The following LIMCH1 variants were observed in gnomAD, a reference collection of about 807,000 sequenced individuals.
The protein encoded by LIMCH1 is LIM and calponin homology domains 1.
A neutral mutation model predicts 176.5 loss-of-function variants in LIMCH1; 113 were observed. The ratio of observed to expected loss-of-function variants is 0.64; its 90% CI spans 0.55 to 0.75. The LOEUF (loss-of-function observed/expected upper bound fraction) is 0.75. Ranked by LOEUF, LIMCH1 falls within the 30% of genes least tolerant of loss-of-function variation. LIMCH1 has a pLI of 0.00. For missense variants in LIMCH1, 1,674 were observed against 1,814.9 expected, an observed-to-expected ratio of 0.92 and a Z score of 1.41; for synonymous variants, 619 against 645.9, an observed-to-expected ratio of 0.96 and a Z score of 0.63.
chr4:41,531,997 C>G (rs2077376987), intron 3 of LIMCH1, among the ~76,000 whole-genome samples: 1 of 152,148 alleles, frequency 6.6e-6, no homozygotes, highest in Non-Finnish European at 1.5e-5. Flanking sequence ...ACACACTTTC[C>G]TTTATCCTCA....
At chr4:41,420,851 C>T (rs765492726) in intron 1 of LIMCH1, among the ~76,000 whole-genome samples, 25 of 152,190 alleles carry the variant, frequency 1.6e-4, no homozygotes, top group South Asian at 6.2e-4. Context: ...ATTGCAAGAA[C>T]GCTGGAGAAA....
At chr4:41,686,563 CCAAT>C (rs1314032964) in intron 28 of LIMCH1, among the ~76,000 whole-genome samples, 2 of 152,182 alleles carry the variant, frequency 1.3e-5, no homozygotes. Flanking sequence ...AGTACTGTAA[CCAAT>C]CATTCTACCT....
At chr4:41,581,285 C>T (rs946138868) in intron 1 of LIMCH1, among the ~76,000 whole-genome samples, 4 of 152,158 alleles carry the variant, frequency 2.6e-5, no homozygotes, top group Admixed American at 6.5e-5. Context: ...CTAATTAACA[C>T]ATCCATCACT....
intron 1 of LIMCH1, among the ~76,000 whole-genome samples, chr4:41,588,378 C>T (rs1054972090): frequency 6.6e-6 from 1 of 152,080 alleles, no homozygotes; most frequent in South Asian, 2.1e-4. Context: ...CTTGTTCACA[C>T]TTCTTCCAAG....
At chr4:41,488,404 G>T (rs917044648) in intron 1 of LIMCH1, among the ~76,000 whole-genome samples, 4 of 152,022 alleles carry the variant, frequency 2.6e-5, no homozygotes, top group Non-Finnish European at 1.5e-5. Flanking sequence ...TTTTAAATGG[G>T]ATCTTTCTTA....
chr4:41,474,232 T>TA (rs2067399155), intron 1 of LIMCH1, among the ~76,000 whole-genome samples: 1 of 151,400 alleles, frequency 6.6e-6, no homozygotes, highest in African/African-American at 2.4e-5. Flanking sequence ...CTCACGCCTG[T>TA]AATCCCAGCA....
At chr4:41,556,939 A>C (rs1389807386) in intron 1 of LIMCH1, among the ~76,000 whole-genome samples, 1 of 152,184 alleles carries the variant, frequency 6.6e-6, no homozygotes, top group East Asian at 1.9e-4. Flanking sequence ...TATTTGGCAT[A>C]CAGCATCCAG....
chr4:41,428,271 A>G (rs1239168817), intron 1 of LIMCH1, among the ~76,000 whole-genome samples: 1 of 152,200 alleles, frequency 6.6e-6, no homozygotes, highest in Admixed American at 6.5e-5. Context: ...GACCTTGGTT[A>G]TATCACTTAA....
chr4:41,686,437 A>C (rs1196298845), intron 28 of LIMCH1, among the ~76,000 whole-genome samples: 2 of 152,214 alleles, frequency 1.3e-5, no homozygotes, highest in Non-Finnish European at 2.9e-5. Context: ...TAACTTATCC[A>C]AATTATTTAA....
chr4:41,681,099 A>G (rs1186752662), intron 25 of LIMCH1, 40 bp downstream of exon 25: 1 of 1,291,482 alleles, frequency 7.7e-7, no homozygotes. Context: ...AAATAAATAA[A>G]CCTAAATGGA....
In LIMCH1 at chr4:41,691,105, C is replaced by T. The variant is rs115797746; in HGVS notation, c.4276-1177C>T. On this transcript the variant is annotated intron_variant, in intron 30 of 31. Coordinates refer to ENST00000503057, the MANE Select transcript of LIMCH1 (RefSeq NM_001330672.2). ...TCAGGAGACTTGCCTTCTTAACTCT[C>T]AAGGCCTTTATTCACTCTAATCATT... is the stretch of plus-strand genomic sequence containing the variant. 6.1e-3 allele frequency among the ~76,000 whole-genome samples: 925 copies of T among 152,270 alleles called. 9 individuals carry two copies. Among genetic ancestry groups the T allele is most frequent in the African/African-American group, 0.021 (883 of 41,560 alleles).
rs2092506668 is a variant in LIMCH1, at chr4:41,620,711, T to A, written c.725+21T>A. On this transcript the variant is annotated intron_variant, in intron 7 of 31. Coordinates refer to ENST00000503057, the MANE Select transcript of LIMCH1 (RefSeq NM_001330672.2). ...GCCAGGTCAGCTCTGGGCTGAGGGC[T>A]GGCCCGGCTGGCTTTCTGCATGCCT... The A allele has an allele frequency of 2.0e-6, 3 of 1,513,646 alleles. No homozygotes were observed. The South Asian group carries it at 3.7e-5, about 19-fold the overall frequency. 93.8% of individuals were successfully genotyped at this position (1,513,646 alleles called of 1,614,324 possible). A position where few individuals can be genotyped will look rare whatever the true frequency, so the allele number is the denominator to read the frequency against.
At position 41,599,038 on chromosome 4, in the gene LIMCH1, G is replaced by A. The variant is rs367980924; in HGVS notation, c.-134+12G>A. ...AGAGTAACAGTCAAGTAAGTAAAGCGTGATTTATGTTTAAGGGAAACTCCT... is the reference window on the plus strand; with the variant it reads ...AGAGTAACAGTCAAGTAAGTAAAGCATGATTTATGTTTAAGGGAAACTCCT... On this transcript the variant is annotated intron_variant, in intron 2 of 31. Coordinates refer to ENST00000503057, the MANE Select transcript of LIMCH1 (RefSeq NM_001330672.2). 2.2e-5 allele frequency: 34 copies of A among 1,511,164 alleles called. No individual in the cohort carries two copies. The highest frequency in any genetic ancestry group is 2.7e-5 in the African/African-American group (2 of 72,762). 93.6% of individuals were successfully genotyped at this position (1,511,164 alleles called of 1,614,324 possible).
intron 1 of LIMCH1, among the ~76,000 whole-genome samples, chr4:41,584,203 C>T (rs1164288590): frequency 6.6e-6 from 1 of 152,100 alleles, no homozygotes; most frequent in Non-Finnish European, 1.5e-5. Context: ...GGAATATATC[C>T]TTTGTTGCAA....
chr4:41,377,895 A>G (rs547498704), intron 1 of LIMCH1, among the ~76,000 whole-genome samples: 29 of 152,316 alleles, frequency 1.9e-4, no homozygotes, highest in Admixed American at 7.8e-4. Flanking sequence ...AATTAATCCA[A>G]TCATGAGGGC....
chr4:41,529,939 CAG>C (rs2077075436), intron 3 of LIMCH1, among the ~76,000 whole-genome samples: 1 of 152,112 alleles, frequency 6.6e-6, no homozygotes, highest in African/African-American at 2.4e-5. Context: ...CTAACCCACT[CAG>C]AAACGCATTT....
intron 1 of LIMCH1, among the ~76,000 whole-genome samples, chr4:41,387,102 C>T (rs1038128319): frequency 6.6e-6 from 1 of 151,964 alleles, no homozygotes; most frequent in South Asian, 2.1e-4. Context: ...TTATCTATGA[C>T]AATAAATAAA....
At chr4:41,447,332 TG>T (rs2063387311) in intron 1 of LIMCH1, among the ~76,000 whole-genome samples, 1 of 152,226 alleles carries the variant, frequency 6.6e-6, no homozygotes, top group East Asian at 1.9e-4. Context: ...CAAGGACTTT[TG>T]GTAAGTTGGG....
At chr4:41,518,648 T>C (rs559283667) in intron 2 of LIMCH1, among the ~76,000 whole-genome samples, 2 of 152,320 alleles carry the variant, frequency 1.3e-5, no homozygotes, top group South Asian at 4.1e-4. Context: ...ACGTGTGCCA[T>C]GGTGGTTTGC....
Sources: gnomAD v4.1 joint callset for allele counts (sites outside exome capture counted in the v4.1 genomes callset) on GRCh38, gnomAD v4.1.1 for gene constraint, MANE v1.5 for transcripts, NCBI Gene and HGNC (gene_info 2026-07-23, HGNC 2026-07-21) for gene names.